The following BCHE variants were observed in gnomAD, a reference collection of about 807,000 sequenced individuals.
BCHE encodes cholinesterase.
Under a neutral mutation model 51.3 loss-of-function variants are expected in BCHE, and 48 were observed. The ratio of observed to expected loss-of-function variants is 0.94; its 90% CI spans 0.74 to 1.19. BCHE has a LOEUF of 1.19. Ranked by LOEUF, BCHE falls within the 50% of genes most tolerant of loss-of-function variation. The probability of loss-of-function intolerance (pLI) is 0.00; values close to 1 mark genes in which losing one functional copy is unlikely to be tolerated. For missense variants in BCHE, 847 were observed against 708.2 expected (o/e 1.20, Z -2.23); for synonymous variants, 251 against 238.0 (o/e 1.05, Z -0.50).
chr3:165,829,819 T>G lies in BCHE; in HGVS notation c.1215A>C (p.Val405=). 1 of 1,613,874 alleles carries G rather than the reference T, an allele frequency of 6.2e-7. No individual in the cohort carries two copies. Among genetic ancestry groups the G allele is most frequent in the Non-Finnish European group, 8.5e-7 (1 of 1,179,872 alleles). ...GGTAGTTTTCAGGTCTCTGATCATCTACCCAGTCTGTGTAATGAAAAAGGA... is the reference window on the plus strand; with the variant it reads ...GGTAGTTTTCAGGTCTCTGATCATCGACCCAGTCTGTGTAATGAAAAAGGA... ...ESILFHYTDW[V]DDQRPENYRE... The change falls in exon 2 of 4, where the codon GTA becomes GTC. Residue 405 remains valine, a synonymous_variant. Coordinates refer to ENST00000264381, the MANE Select transcript of BCHE (RefSeq NM_000055.4).
rs774590309 is a variant in BCHE, at chr3:165,829,900, A to G, written c.1134T>C (p.Phe378=). The G allele has an allele frequency of 6.2e-7, 1 of 1,611,128 alleles. No homozygotes were observed. The highest frequency in any genetic ancestry group is 8.5e-7 in the Non-Finnish European group (1 of 1,179,268). The change falls in exon 2 of 4, where the codon TTT becomes TTC. Residue 378 remains phenylalanine (F), a synonymous_variant. Coordinates refer to ENST00000264381, the MANE Select transcript of BCHE (RefSeq NM_000055.4). ...GAAAAAATATTTTTAAACCTTCCTGAAATTCTTTTCTAGTTATGATACTAT... is the reference window on the plus strand; with the variant it reads ...GAAAAAATATTTTTAAACCTTCCTGGAATTCTTTTCTAGTTATGATACTAT... ...DNNSIITRKE[F]QEGLKIFFPG...
At chr3:165,784,156 G>C (rs1712815986) in intron 3 of BCHE, among the ~76,000 whole-genome samples, 1 of 151,816 alleles carries the variant, frequency 6.6e-6, no homozygotes, top group Non-Finnish European at 1.5e-5. Context: ...CTTTAGCCCA[G>C]GTCATCTGAC....
intron 2 of BCHE, among the ~76,000 whole-genome samples, chr3:165,819,285 C>G (rs1714427664): frequency 6.6e-6 from 1 of 151,706 alleles, no homozygotes; most frequent in East Asian, 2.0e-4. Flanking sequence ...ACCATATTAG[C>G]CAGGCAGATC....
At chr3:165,788,395 C>A (rs1233441781) in intron 2 of BCHE, among the ~76,000 whole-genome samples, 1 of 151,998 alleles carries the variant, frequency 6.6e-6, no homozygotes. Context: ...GCTATTCAAG[C>A]TAAACCAATA....
At chr3:165,803,815 T>G (rs1369442364) in intron 2 of BCHE, among the ~76,000 whole-genome samples, 1 of 152,134 alleles carries the variant, frequency 6.6e-6, no homozygotes, top group Non-Finnish European at 1.5e-5. Context: ...AAATGCATAT[T>G]AAATACTTAA....
At chr3:165,787,805 A>T (rs1434053100) in intron 2 of BCHE, among the ~76,000 whole-genome samples, 4 of 151,846 alleles carry the variant, frequency 2.6e-5, no homozygotes, top group East Asian at 1.9e-4. Flanking sequence ...GGCATTTACT[A>T]CTCTTGAGGA....
Position 165,829,663 on chromosome 3 carries a change from C to T in BCHE, c.1371G>A (p.Pro457=), listed in dbSNP as rs369712135. 11 of 1,613,646 alleles carry T rather than the reference C, an allele frequency of 6.8e-6. No homozygotes were observed. In the African/African-American group the frequency reaches 8.0e-5, roughly 12 times the overall value. ...YYFEHRSSKL[P]WPEWMGVMHG... is the part of the protein sequence containing the mutation. The stretch of plus-strand genomic sequence containing the variant: ...GCATCACTCCCATCCATTCTGGCCA[C>T]GGAAGTTTGGAGGATCGGTGTTCAA... The change falls in exon 2 of 4, where the codon CCG becomes CCA. Residue 457 remains proline (P), a synonymous_variant. Transcript: ENST00000264381.
intron 3 of BCHE, among the ~76,000 whole-genome samples, chr3:165,783,241 A>G (rs1171998982): frequency 6.6e-6 from 1 of 152,158 alleles, no homozygotes; most frequent in Non-Finnish European, 1.5e-5. Flanking sequence ...ATAAATCTCA[A>G]TCATTAATTG....
rs769553145 is a variant in BCHE at position 165,829,603 on chromosome 3, A to T, written c.1431T>A (p.Pro477=). The change falls in exon 2 of 4, where the codon CCT becomes CCA. Residue 477 remains proline, a synonymous_variant. Transcript: ENST00000264381. ...GYEIEFVFGL[P]LERRDNYTKA... is the part of the protein sequence containing the mutation. ...TTGTGTAATTATCTCTTCTTTCCAGAGGTAAACCAAAGACAAATTCAATTT... is the reference window on the plus strand; with the variant it reads ...TTGTGTAATTATCTCTTCTTTCCAGTGGTAAACCAAAGACAAATTCAATTT... 1 of 1,613,838 alleles carries T rather than the reference A, an allele frequency of 6.2e-7. No individual in the cohort carries two copies. The highest frequency in any genetic ancestry group is 1.1e-5 in the South Asian group (1 of 91,082).
chr3:165,813,080 A>C (rs557118649), intron 2 of BCHE, among the ~76,000 whole-genome samples: 65 of 151,972 alleles, frequency 4.3e-4, no homozygotes, highest in East Asian at 1.2e-3. Flanking sequence ...ATAATTGTTT[A>C]AAACTTTTTT....
chr3:165,815,443 T>C (rs1217876068), intron 2 of BCHE, among the ~76,000 whole-genome samples: 1 of 152,206 alleles, frequency 6.6e-6, no homozygotes, highest in Non-Finnish European at 1.5e-5. Context: ...TTCAGCTCTG[T>C]AAGCCTCAAT....
chr3:165,832,476 G>T (rs1715026283), intron 1 of BCHE, among the ~76,000 whole-genome samples: 1 of 151,996 alleles, frequency 6.6e-6, no homozygotes, highest in Non-Finnish European at 1.5e-5. Context: ...TATTTTAGTA[G>T]AGATGGGGTT....
At position 165,829,651 on chromosome 3, in the gene BCHE, C is replaced by G. The variant is rs1714869388; in HGVS notation, c.1383G>C (p.Trp461Cys). The G allele has an allele frequency of 6.2e-7, 1 of 1,613,878 alleles. No homozygotes were observed. The change falls in exon 2 of 4, where the codon TGG (tryptophan) becomes TGC (cysteine). Residue 461 changes from tryptophan (W) to cysteine (C), a missense_variant. Coordinates refer to ENST00000264381, the MANE Select transcript of BCHE (RefSeq NM_000055.4). Reference sequence around the variant, plus strand: ...TTTCATAGCCATGCATCACTCCCATCCATTCTGGCCACGGAAGTTTGGAGG... The same window carrying G: ...TTTCATAGCCATGCATCACTCCCATGCATTCTGGCCACGGAAGTTTGGAGG... ...HRSSKLPWPE[W>C]MGVMHGYEIE...
At chr3:165,808,903 G>A (rs928388467) in intron 2 of BCHE, among the ~76,000 whole-genome samples, 4 of 152,112 alleles carry the variant, frequency 2.6e-5, no homozygotes, top group African/African-American at 9.6e-5. Flanking sequence ...GGCATATACT[G>A]CAGAAAAATG....
intron 2 of BCHE, among the ~76,000 whole-genome samples, chr3:165,819,817 C>T (rs1480916365): frequency 6.6e-6 from 1 of 152,074 alleles, no homozygotes; most frequent in African/African-American, 2.4e-5. Flanking sequence ...TATAAATTCA[C>T]ATTTTATTTA....
At chr3:165,823,773 C>A (rs1003462505) in intron 2 of BCHE, among the ~76,000 whole-genome samples, 1 of 151,598 alleles carries the variant, frequency 6.6e-6, no homozygotes, top group Non-Finnish European at 1.5e-5. Flanking sequence ...TATTTTTTTT[C>A]TCAGAGAGGA....
Position 165,830,616 on chromosome 3 carries a change from A to T in BCHE, c.418T>A (p.Trp140Arg). 1 of 1,614,026 alleles carries T rather than the reference A, an allele frequency of 6.2e-7. No individual in the cohort carries two copies. Among genetic ancestry groups the T allele is most frequent in the Non-Finnish European group, 8.5e-7 (1 of 1,179,966 alleles). Residue 140 changes from tryptophan to arginine, a missense_variant, in exon 2 of 4, where the codon TGG becomes AGG. Physicochemically the swap from Trp to Arg is moderately radical, Grantham distance 101. Transcript: ENST00000264381. ...PKPKNATVLI[W>R]IYGGGFQTGT... ...GTTTGAAAACCACCACCATAAATCC[A>T]TATCAATACAGTGGCATTTTTTGGT... is the stretch of plus-strand genomic sequence containing the variant.
intron 2 of BCHE, among the ~76,000 whole-genome samples, chr3:165,809,538 T>C (rs1372915363): frequency 2.0e-5 from 3 of 152,158 alleles, no homozygotes; most frequent in Non-Finnish European, 4.4e-5. Context: ...ATGTTATTTC[T>C]CACTATGTAT....
chr3:165,828,895 A>AAT (rs1252664703), intron 2 of BCHE, among the ~76,000 whole-genome samples: 2 of 152,156 alleles, frequency 1.3e-5, no homozygotes, highest in African/African-American at 2.4e-5. Flanking sequence ...TGTCAGCCAT[A>AAT]AGACTGCTCA....
Sources: gnomAD v4.1 joint callset for allele counts (sites outside exome capture counted in the v4.1 genomes callset) on GRCh38, gnomAD v4.1.1 for gene constraint, MANE v1.5 for transcripts, NCBI Gene and HGNC (gene_info 2026-07-23, HGNC 2026-07-21) for gene names.